The following CACNA2D4 variants were observed in gnomAD, a reference collection of about 807,000 sequenced individuals.
CACNA2D4 encodes the protein voltage-dependent calcium channel subunit alpha-2/delta-4.
Under a neutral mutation model 163.8 loss-of-function variants are expected in CACNA2D4, and 157 were observed. The ratio of observed to expected loss-of-function variants is 0.96; its 90% CI spans 0.84 to 1.09. CACNA2D4 has a LOEUF of 1.09. Among genes scored for constraint, CACNA2D4 ranks in the 50% least tolerant of loss-of-function variants. The probability of loss-of-function intolerance (pLI) is 0.00; values close to 1 mark genes in which losing one functional copy is unlikely to be tolerated. For missense variants in CACNA2D4, 1,410 were observed against 1,479.9 expected (o/e 0.95, Z 0.78); for synonymous variants, 598 against 586.9 (o/e 1.02, Z -0.27).
At chr12:1,899,254 T>G (rs1391037985) in intron 6 of CACNA2D4, among the ~76,000 whole-genome samples, 1 of 151,928 alleles carries the variant, frequency 6.6e-6, no homozygotes, top group Non-Finnish European at 1.5e-5. Context: ...TGTGTCTCAT[T>G]TAAGAAGTCA....
At chr12:1,862,344 G>A (rs1433093197) in intron 18 of CACNA2D4, among the ~76,000 whole-genome samples, 1 of 152,194 alleles carries the variant, frequency 6.6e-6, no homozygotes, top group African/African-American at 2.4e-5. Flanking sequence ...ATGTCTGAGA[G>A]TTCCAATTTC....
chr12:1,907,445 T>C lies in CACNA2D4; in HGVS notation c.776A>G (p.Tyr259Cys), dbSNP rs1469786825. ...FGSATGFFRIYPGIKWTPDEN... is the reference protein window; with the variant it reads ...FGSATGFFRICPGIKWTPDEN... ...ATGCAACTCCATGTCCTTACCTGGA[T>C]AGATCCTGAAGAATCCAGTTGCACT... Residue 259 changes from tyrosine to cysteine, a missense_variant, in exon 6 of 38, where the codon TAT becomes TGT. Transcript: ENST00000382722. 1.9e-6 allele frequency: 3 copies of C among 1,613,748 alleles called. No homozygotes were observed. The South Asian group carries it at 3.3e-5, about 18-fold the overall frequency.
intron 26 of CACNA2D4, among the ~76,000 whole-genome samples, chr12:1,839,944 T>C (rs1039017115): frequency 6.6e-6 from 1 of 152,240 alleles, no homozygotes; most frequent in Admixed American, 6.5e-5. Flanking sequence ...TCTGAGCCTA[T>C]GGTCCTCATT....
intron 6 of CACNA2D4, among the ~76,000 whole-genome samples, chr12:1,895,069 C>A (rs1039709877): frequency 6.6e-6 from 1 of 152,200 alleles, no homozygotes; most frequent in East Asian, 1.9e-4. Context: ...ATACAAAAAT[C>A]AGTAGTGTTT....
At position 1,834,257 on chromosome 12, in the gene CACNA2D4, C is replaced by T. The variant is rs1257835464; in HGVS notation, c.2551+6482G>A. Reference sequence around the variant, plus strand: ...CCTGGTCAGCCCCTCTTTTTCTCTTCTGCATGTAGGGGGACGCTTGGACCA... The same window carrying T: ...CCTGGTCAGCCCCTCTTTTTCTCTTTTGCATGTAGGGGGACGCTTGGACCA... On this transcript the variant is annotated intron_variant, in intron 26 of 37. Coordinates refer to ENST00000382722, the MANE Select transcript of CACNA2D4 (RefSeq NM_172364.5). The surrounding 1 kb of genome is among the most constrained non-coding windows in gnomAD (Gnocchi z 7.6). The T allele has an allele frequency of 3.2e-6, 5 of 1,539,792 alleles. No homozygotes were observed. The highest frequency in any genetic ancestry group is 2.5e-5 in the South Asian group (2 of 79,316).
chr12:1,832,817 A>G (rs1252260300), intron 26 of CACNA2D4, among the ~76,000 whole-genome samples: 1 of 152,270 alleles, frequency 6.6e-6, no homozygotes, highest in Non-Finnish European at 1.5e-5. Flanking sequence ...TTTTACAGCT[A>G]AGAAAACTAA....
chr12:1,828,364 G>A lies in CACNA2D4; in HGVS notation c.2551+12375C>T, dbSNP rs1230854931. 2 of 675,006 alleles carry A rather than the reference G, an allele frequency of 3.0e-6. No homozygotes were observed. The highest frequency in any genetic ancestry group is 4.7e-6 in the Non-Finnish European group (2 of 426,566). The allele number at this position is 675,006 out of a possible 1,614,324, so 41.8% of individuals were successfully genotyped here. ...CTGGGGTACCCGAGGCTATGTTCTGGGAAGCCAGGGTCACGCCCACGGTGA... is the reference window on the plus strand; with the variant it reads ...CTGGGGTACCCGAGGCTATGTTCTGAGAAGCCAGGGTCACGCCCACGGTGA... On this transcript the variant is annotated intron_variant, in intron 26 of 37. Transcript: ENST00000382722. This position sits in a 1 kb window ranked among gnomAD's most constrained non-coding sequence, Gnocchi z 4.2.
intron 13 of CACNA2D4, among the ~76,000 whole-genome samples, chr12:1,882,324 A>G (rs1316445151): frequency 2.0e-5 from 3 of 152,246 alleles, no homozygotes; most frequent in Non-Finnish European, 4.4e-5. Flanking sequence ...TCACTGAAGC[A>G]GGTGGCTGCC....
At chr12:1,900,305 A>C (rs1257179510) in intron 6 of CACNA2D4, among the ~76,000 whole-genome samples, 1 of 152,074 alleles carries the variant, frequency 6.6e-6, no homozygotes, top group Non-Finnish European at 1.5e-5. Context: ...TTCATTTTTA[A>C]AAAATTTTTG....
chr12:1,818,633 C>T (rs974479439), intron 26 of CACNA2D4, among the ~76,000 whole-genome samples: 9 of 151,276 alleles, frequency 5.9e-5, no homozygotes, highest in Admixed American at 1.3e-4. Flanking sequence ...ACAAACACTG[C>T]GGAAGGCCGC....
At chr12:1,907,846 AGT>A (rs760873712) in intron 5 of CACNA2D4, 27 bp downstream of exon 5, 21 of 1,610,004 alleles carry the variant, frequency 1.3e-5, no homozygotes, top group Middle Eastern at 3.3e-4. Flanking sequence ...GTGCCTGGTG[AGT>A]GTGCCTGAGC....
At chr12:1,810,888 C>A (rs1339857484) in intron 27 of CACNA2D4, among the ~76,000 whole-genome samples, 1 of 152,178 alleles carries the variant, frequency 6.6e-6, no homozygotes, top group Admixed American at 6.5e-5. Context: ...TGGTATGTGG[C>A]CTGCGGGTGC....
chr12:1,811,321 C>G (rs1188043501), intron 27 of CACNA2D4, among the ~76,000 whole-genome samples: 1 of 152,240 alleles, frequency 6.6e-6, no homozygotes, highest in Non-Finnish European at 1.5e-5. Flanking sequence ...CCGCTGTCGT[C>G]TCTGGCATCT....
chr12:1,865,753 G>A (rs1163023004), intron 18 of CACNA2D4, among the ~76,000 whole-genome samples: 1 of 152,224 alleles, frequency 6.6e-6, no homozygotes, highest in African/African-American at 2.4e-5. Flanking sequence ...CCGGGGCGCG[G>A]GGAGGCGGTT....
chr12:1,838,992 C>A (rs7138109), intron 26 of CACNA2D4, among the ~76,000 whole-genome samples: 3 of 152,306 alleles, frequency 2.0e-5, no homozygotes, highest in South Asian at 2.1e-4. Context: ...CCAGTGACAC[C>A]GGGCTTCTAC....
intron 6 of CACNA2D4, among the ~76,000 whole-genome samples, chr12:1,887,403 C>T (rs2154449878): frequency 6.6e-6 from 1 of 152,306 alleles, no homozygotes; most frequent in South Asian, 2.1e-4. Context: ...CCATTACCAT[C>T]CAGCAAAGTG....
chr12:1,817,636 G>A (rs981080588), intron 26 of CACNA2D4, among the ~76,000 whole-genome samples: 7 of 152,182 alleles, frequency 4.6e-5, no homozygotes, highest in African/African-American at 7.2e-5. Flanking sequence ...GGCGTGCGCC[G>A]CCACGCCTGA....
At chr12:1,805,932 CA>C (rs1863521829) in intron 29 of CACNA2D4, among the ~76,000 whole-genome samples, 1 of 152,224 alleles carries the variant, frequency 6.6e-6, no homozygotes, top group South Asian at 2.1e-4. Flanking sequence ...TTCAGAGAAA[CA>C]GGAGCCGAGG....
Position 1,799,167 on chromosome 12 carries a change from C to A in CACNA2D4, c.2995+508G>T, listed in dbSNP as rs1456275679. Among the ~76,000 whole-genome samples the A allele has an allele frequency of 6.6e-6, 1 of 152,218 alleles. No homozygotes were observed. The highest frequency in any genetic ancestry group is 1.5e-5 in the Non-Finnish European group (1 of 68,032). ...AGTGAGTGCTTTGAAAGGCCAGGCT[C>A]ATTGCCGCCCTGCACGTGTGGCCAC... On this transcript the variant is annotated intron_variant, in intron 34 of 37. Coordinates refer to ENST00000382722, the MANE Select transcript of CACNA2D4 (RefSeq NM_172364.5). The surrounding 1 kb of genome is among the most constrained non-coding windows in gnomAD (Gnocchi z 4.7).
Sources: gnomAD v4.1 joint callset for allele counts (sites outside exome capture counted in the v4.1 genomes callset) on GRCh38, gnomAD v4.1.1 for gene constraint, Gnocchi (gnomAD v3.1) non-coding constraint, MANE v1.5 for transcripts, NCBI Gene and HGNC (gene_info 2026-07-23, HGNC 2026-07-21) for gene names.